Variants in KANSL2 observed in about 807,000 individuals in gnomAD.
KANSL2 encodes the protein KAT8 regulatory NSL complex subunit 2, also known as NSL complex protein NSL2.
KANSL2 carries 34 observed loss-of-function variants against 55.6 expected under a neutral mutation model. That is an observed-to-expected ratio of 0.61 (90% CI 0.46 to 0.81). The LOEUF is 0.81. KANSL2 is among the 40% of genes least tolerant of loss of function. The pLI is 0.00. For missense variants in KANSL2, 502 were observed against 609.9 expected, an observed-to-expected ratio of 0.82 and a Z score of 1.86; for synonymous variants, 209 against 214.3, an observed-to-expected ratio of 0.98 and a Z score of 0.22.
At chr12:48,678,557 C>T (rs552026565) in intron 4 of KANSL2, among the ~76,000 whole-genome samples, 1 of 152,286 alleles carries the variant, frequency 6.6e-6, no homozygotes, top group South Asian at 2.1e-4. Flanking sequence ...AGTATCCAAA[C>T]ATCACACTGT....
chr12:48,682,202 G>GGT lies in KANSL2; in HGVS notation c.-26_-25insAC. The GGT allele has an allele frequency of 1.5e-6, 1 of 666,670 alleles. No homozygotes were observed. Among genetic ancestry groups the GGT allele is most frequent in the South Asian group, 1.6e-5 (1 of 63,240 alleles). The allele number at this position is 666,670 out of a possible 1,614,324, so 41.3% of individuals were successfully genotyped here. Reference sequence around the variant, plus strand: ...GCCATCTTACCTCAGGAGCTGCGCTGCGCCGCACTCTGCCGCGCCGCTCGC... The same window carrying GGT: ...GCCATCTTACCTCAGGAGCTGCGCTGGTCGCCGCACTCTGCCGCGCCGCTCGC... On this transcript the variant is annotated 5_prime_UTR_variant, in exon 1 of 10. Coordinates refer to ENST00000420613, the MANE Select transcript of KANSL2 (RefSeq NM_017822.4).
chr12:48,674,288 G>A (rs1939781368), intron 4 of KANSL2, among the ~76,000 whole-genome samples: 1 of 152,090 alleles, frequency 6.6e-6, no homozygotes, highest in African/African-American at 2.4e-5. Flanking sequence ...TTGCAGGCGT[G>A]TGCCACCACA....
At chr12:48,666,587 G>C (rs151090506) in intron 7 of KANSL2, among the ~76,000 whole-genome samples, 151 of 152,068 alleles carry the variant, frequency 9.9e-4, no homozygotes, top group African/African-American at 3.5e-3. Context: ...CAGCTACTCA[G>C]GAGGATGACA....
rs1939470257 is a variant in KANSL2 at position 48,660,695 on chromosome 12, T to C, written c.974-76A>G. ...AATACAAATAGCATTGTCTGCCACA[T>C]AAAACTCAAGGTGTGGACTATATAA... On this transcript the variant is annotated intron_variant, in intron 7 of 9. Transcript: ENST00000420613. 7.6e-6 allele frequency: 11 copies of C among 1,450,264 alleles called. No individual in the cohort carries two copies. In the South Asian group the frequency reaches 1.5e-4, roughly 19 times the overall value. 89.8% of individuals were successfully genotyped at this position (1,450,264 alleles called of 1,614,324 possible). A position where few individuals can be genotyped will look rare whatever the true frequency, so the allele number is the denominator to read the frequency against.
Position 48,681,453 on chromosome 12 carries a change from C to T in KANSL2, c.180G>A (p.Gln60=). The T allele has an allele frequency of 6.2e-7, 1 of 1,613,966 alleles. No individual in the cohort carries two copies. Among genetic ancestry groups the T allele is most frequent in the Non-Finnish European group, 8.5e-7 (1 of 1,179,876 alleles). ...ILEDKNAPFK[Q]CSYISTKNGK... is the part of the protein sequence containing the mutation. The stretch of plus-strand genomic sequence containing the variant: ...CATTCTTCGTCGATATATAACTACA[C>T]TGCTTGAAGGGTGCATTCTTGTCTT... The change falls in exon 2 of 10, where the codon CAG becomes CAA. Residue 60 remains glutamine (Q), a synonymous_variant. Coordinates refer to ENST00000420613, the MANE Select transcript of KANSL2 (RefSeq NM_017822.4).
intron 4 of KANSL2, among the ~76,000 whole-genome samples, chr12:48,674,136 T>A (rs1939778684): frequency 6.6e-6 from 1 of 152,106 alleles, no homozygotes; most frequent in Non-Finnish European, 1.5e-5. Flanking sequence ...CAAAAAATTA[T>A]GCTTTATTAC....
At position 48,661,282 on chromosome 12, in the gene KANSL2, G is replaced by GAAA. The variant is rs144698431; in HGVS notation, c.974-666_974-664dup. 1.6e-5 allele frequency: 12 copies of GAAA among 730,820 alleles called. No individual in the cohort carries two copies. In the African/African-American group the frequency reaches 2.2e-4, roughly 13 times the overall value. The allele number at this position is 730,820 out of a possible 1,614,324, so 45.3% of individuals were successfully genotyped here. ...AAAATTTTGTGTATGAAGGCCCATT[G>GAAA]AAAAAAAAAAGTATTCTAGAAACAT... On this transcript the variant is annotated intron_variant, in intron 7 of 9. Coordinates refer to ENST00000420613, the MANE Select transcript of KANSL2 (RefSeq NM_017822.4).
intron 4 of KANSL2, among the ~76,000 whole-genome samples, chr12:48,672,433 A>ATATATTT (rs371918890): frequency 2.5e-5 from 3 of 120,384 alleles, no homozygotes; most frequent in African/African-American, 1.1e-4. Flanking sequence ...ATATATATAT[A>ATATATTT]TTTTTTTTTT....
Position 48,654,195 on chromosome 12 carries a change from C to T in KANSL2, c.1348-20G>A. The T allele has an allele frequency of 6.3e-7, 1 of 1,585,160 alleles. No homozygotes were observed. Among genetic ancestry groups the T allele is most frequent in the Middle Eastern group, 1.7e-4 (1 of 5,924 alleles). Reference sequence around the variant, plus strand: ...CTGGCCCTGTTAAAAGAAATAAAGGCACTTCAGTTAGTAATTCATTCACTG... The same window carrying T: ...CTGGCCCTGTTAAAAGAAATAAAGGTACTTCAGTTAGTAATTCATTCACTG... On this transcript the variant is annotated intron_variant, in intron 9 of 9. Transcript: ENST00000420613.
chr12:48,664,773 G>A (rs1016339161), intron 7 of KANSL2, among the ~76,000 whole-genome samples: 2 of 150,538 alleles, frequency 1.3e-5, no homozygotes, highest in Non-Finnish European at 3.0e-5. Context: ...TAGTAGAGAT[G>A]AGGTTTCACC....
intron 4 of KANSL2, among the ~76,000 whole-genome samples, chr12:48,676,408 C>A (rs1219740013): frequency 6.6e-6 from 1 of 152,076 alleles, no homozygotes; most frequent in Admixed American, 6.6e-5. Flanking sequence ...TCCCTGTAAT[C>A]CCAGCACTTT....
In KANSL2 at chr12:48,674,992, AAAATT is replaced by A. The variant is rs1406570720; in HGVS notation, c.546-3035_546-3031del. On this transcript the variant is annotated intron_variant, in intron 4 of 9. Transcript: ENST00000420613. ...AAATAAAAATAATATATAATAAAATAAAATTAATAAAAAATAAATTTAAAAATAAA... is the reference window on the plus strand; with the variant it reads ...AAATAAAAATAATATATAATAAAATAAATAAAAAATAAATTTAAAAATAAA... Among the ~76,000 whole-genome samples, 4 of 148,428 alleles carry A rather than the reference AAAATT, an allele frequency of 2.7e-5. No individual in the cohort carries two copies. The East Asian group carries it at 7.8e-4, about 29-fold the overall frequency.
Position 48,655,053 on chromosome 12 carries a change from T to C in KANSL2, c.1235A>G (p.Asp412Gly), listed in dbSNP as rs774641385. 3 of 1,574,858 alleles carry C rather than the reference T, an allele frequency of 1.9e-6. No individual in the cohort carries two copies. The highest frequency in any genetic ancestry group is 2.3e-5 in the South Asian group (2 of 85,478). ...SLPLEFSDDLDVVGDGMQCPP... is the reference protein window; with the variant it reads ...SLPLEFSDDLGVVGDGMQCPP... ...ACACTGCATACCATCACCCACAACATCCAAGTCCTAGAAAAAAGAGAAAAG... is the reference window on the plus strand; with the variant it reads ...ACACTGCATACCATCACCCACAACACCCAAGTCCTAGAAAAAAGAGAAAAG... Residue 412 changes from aspartate (D) to glycine (G), a missense_variant, in exon 9 of 10, where the codon GAT (aspartate) becomes GGT (glycine). Coordinates refer to ENST00000420613, the MANE Select transcript of KANSL2 (RefSeq NM_017822.4).
rs1424261905 is a variant in KANSL2, at chr12:48,681,844, A to C, written c.-9-203T>G. On this transcript the variant is annotated intron_variant, in intron 1 of 9. Transcript: ENST00000420613. ...AGCGTGTCCCTCCATGCCCGGCCCC[A>C]CCCCGAACCACACCACGCTGAATGT... 5.6e-6 allele frequency: 4 copies of C among 708,482 alleles called. No homozygotes were observed. The East Asian group carries it at 1.1e-4, about 19-fold the overall frequency. The allele number at this position is 708,482 out of a possible 1,614,324, so 43.9% of individuals were successfully genotyped here. A position where few individuals can be genotyped will look rare whatever the true frequency, so the allele number is the denominator to read the frequency against.
chr12:48,666,477 G>C (rs934246576), intron 7 of KANSL2, among the ~76,000 whole-genome samples: 3 of 151,826 alleles, frequency 2.0e-5, no homozygotes, highest in Admixed American at 6.6e-5. Flanking sequence ...CAGATCACTT[G>C]AGGTCAGGAA....
At chr12:48,668,774 G>C (rs192343794) in intron 6 of KANSL2, among the ~76,000 whole-genome samples, 18 of 152,264 alleles carry the variant, frequency 1.2e-4, no homozygotes, top group Non-Finnish European at 2.1e-4. Context: ...AGGCACGGTG[G>C]CTCATGTCTG....
chr12:48,665,655 C>T (rs1362379069), intron 7 of KANSL2, among the ~76,000 whole-genome samples: 2 of 152,188 alleles, frequency 1.3e-5, no homozygotes, highest in Non-Finnish European at 2.9e-5. Flanking sequence ...ATTTAATTAA[C>T]AAGTGCTTTT....
In KANSL2 at chr12:48,653,903, C is replaced by T; in HGVS notation, c.*141G>A. ...CACGGTCCACGTCCTCAAAATTTGG[C>T]TTTACGTTTGACTATAATACTCAAT... On this transcript the variant is annotated 3_prime_UTR_variant, in exon 10 of 10. Transcript: ENST00000420613. 1 of 839,636 alleles carries T rather than the reference C, an allele frequency of 1.2e-6. No individual in the cohort carries two copies. 52.0% of individuals were successfully genotyped at this position (839,636 alleles called of 1,614,324 possible). A position where few individuals can be genotyped will look rare whatever the true frequency, so the allele number is the denominator to read the frequency against.
Position 48,680,660 on chromosome 12 carries a change from G to A in KANSL2, c.251+722C>T, listed in dbSNP as rs186754022. Among the ~76,000 whole-genome samples the A allele has an allele frequency of 2.0e-5, 3 of 152,102 alleles. No homozygotes were observed. The East Asian group carries it at 5.8e-4, about 29-fold the overall frequency. On this transcript the variant is annotated intron_variant, in intron 2 of 9. Transcript: ENST00000420613. ...AACAAAATTCATGGACAGCCAAATA[G>A]AGCCACACACCCCTCCATTAAGAAG...
Sources: gnomAD v4.1 joint callset for allele counts (sites outside exome capture counted in the v4.1 genomes callset) on GRCh38, gnomAD v4.1.1 for gene constraint, MANE v1.5 for transcripts, NCBI Gene and HGNC (gene_info 2026-07-23, HGNC 2026-07-21) for gene names.